LDB2: variants seen among roughly 807,000 people sequenced by gnomAD.
The protein encoded by LDB2 is LIM domain-binding protein 2.
Under a neutral mutation model 44.3 loss-of-function variants are expected in LDB2, and 12 were observed. That is an observed-to-expected ratio of 0.27 (90% CI 0.17 to 0.44). LDB2 has a LOEUF of 0.44. LDB2 is among the 20% of genes least tolerant of loss of function. The pLI, the probability that LDB2 is intolerant of heterozygous loss-of-function variation, is 1.00. For missense variants in LDB2, 344 were observed against 473.5 expected (o/e 0.73, Z 2.54); for synonymous variants, 164 against 174.8 (o/e 0.94, Z 0.49).
intron 2 of LDB2, among the ~76,000 whole-genome samples, chr4:16,686,430 C>T (rs1749263554): frequency 6.6e-6 from 1 of 152,170 alleles, no homozygotes; most frequent in South Asian, 2.1e-4. Context: ...GCAACTTGCC[C>T]AAAGACAAAA....
chr4:16,640,304 A>G (rs937014407), intron 2 of LDB2, among the ~76,000 whole-genome samples: 1 of 152,246 alleles, frequency 6.6e-6, no homozygotes, highest in African/African-American at 2.4e-5. Context: ...GGTGGGTAAT[A>G]GAGAACTGTA....
chr4:16,688,818 T>C lies in LDB2; in HGVS notation c.235+70340A>G, dbSNP rs569957954. ...AATCTCTAGCTTCTATTCTTGCTCC[T>C]AGCAGTCCTTCATCTCTCCTAATAT... On this transcript the variant is annotated intron_variant, in intron 2 of 7. Coordinates refer to ENST00000304523, the MANE Select transcript of LDB2 (RefSeq NM_001290.5). Among the ~76,000 whole-genome samples the C allele has an allele frequency of 3.3e-5, 5 of 152,386 alleles. No individual in the cohort carries two copies. The East Asian group carries it at 9.6e-4, about 29-fold the overall frequency.
intron 2 of LDB2, among the ~76,000 whole-genome samples, chr4:16,636,585 T>A (rs1191699223): frequency 6.6e-6 from 1 of 152,194 alleles, no homozygotes; most frequent in East Asian, 1.9e-4. Flanking sequence ...CTTATATTTA[T>A]GTATTTTGTT....
At chr4:16,892,305 A>T (rs1158700138) in intron 1 of LDB2, among the ~76,000 whole-genome samples, 1 of 141,408 alleles carries the variant, frequency 7.1e-6, no homozygotes, top group Non-Finnish European at 1.6e-5. Context: ...AGGCCCTGAG[A>T]CTGTCATTGC....
chr4:16,895,618 AAG>A (rs1438311678), intron 1 of LDB2, among the ~76,000 whole-genome samples: 13 of 152,044 alleles, frequency 8.6e-5, no homozygotes, highest in Non-Finnish European at 1.9e-4. Context: ...GTGGGACCAG[AAG>A]AGAGAGAGGA....
intron 1 of LDB2, among the ~76,000 whole-genome samples, chr4:16,824,052 G>A (rs1249623153): frequency 6.6e-6 from 1 of 152,246 alleles, no homozygotes; most frequent in Non-Finnish European, 1.5e-5. Context: ...AAATTCCACA[G>A]AGGCAGGCAA....
At chr4:16,844,146 A>G (rs988835608) in intron 1 of LDB2, among the ~76,000 whole-genome samples, 5 of 147,004 alleles carry the variant, frequency 3.4e-5, no homozygotes, top group South Asian at 2.2e-4. Flanking sequence ...AGTCTCAGCT[A>G]CTTGGGAGTC....
chr4:16,728,734 C>T (rs545679657), intron 2 of LDB2, among the ~76,000 whole-genome samples: 1 of 152,276 alleles, frequency 6.6e-6, no homozygotes, highest in African/African-American at 2.4e-5. Context: ...TTTCTGAGGG[C>T]AGGATCATAT....
intron 1 of LDB2, among the ~76,000 whole-genome samples, chr4:16,765,500 C>T (rs1470458155): frequency 6.6e-6 from 1 of 152,242 alleles, no homozygotes. Flanking sequence ...ATCATGGAAT[C>T]ATCACCTTGT....
intron 2 of LDB2, among the ~76,000 whole-genome samples, chr4:16,629,668 G>A (rs763276014): frequency 6.6e-6 from 1 of 152,070 alleles, no homozygotes; most frequent in African/African-American, 2.4e-5. Flanking sequence ...CTAATCCACT[G>A]CAAGGGAGCT....
At chr4:16,766,464 ATATATGTG>A (rs1769252106) in intron 1 of LDB2, among the ~76,000 whole-genome samples, 1 of 14,772 alleles carries the variant, frequency 6.8e-5, no homozygotes. Flanking sequence ...ATACACACAC[ATATATGTG>A]TGTGTGTGTG....
intron 2 of LDB2, among the ~76,000 whole-genome samples, chr4:16,725,327 G>A (rs2152688747): frequency 6.6e-6 from 1 of 152,050 alleles, no homozygotes; most frequent in South Asian, 2.1e-4. Context: ...GATTGAATAT[G>A]CCAATAGACA....
At chr4:16,823,372 A>G (rs1308901836) in intron 1 of LDB2, among the ~76,000 whole-genome samples, 1 of 152,204 alleles carries the variant, frequency 6.6e-6, no homozygotes, top group Non-Finnish European at 1.5e-5. Context: ...CTTGCTCAAC[A>G]TCTTCTTACC....
chr4:16,667,527 C>T (rs191970217), intron 2 of LDB2, among the ~76,000 whole-genome samples: 29 of 152,252 alleles, frequency 1.9e-4, no homozygotes, highest in African/African-American at 6.5e-4. Context: ...TTGTTTCCAC[C>T]CACTGCAAAA....
intron 1 of LDB2, among the ~76,000 whole-genome samples, chr4:16,886,681 C>A (rs1230292845): frequency 6.6e-6 from 1 of 152,010 alleles, no homozygotes; most frequent in East Asian, 1.9e-4. Flanking sequence ...ATCATAAATT[C>A]AAAAGCAATG....
At chr4:16,507,853 C>T (rs1194713481) in intron 7 of LDB2, among the ~76,000 whole-genome samples, 2 of 152,094 alleles carry the variant, frequency 1.3e-5, no homozygotes, top group Non-Finnish European at 2.9e-5. Context: ...GAAGAAAGTT[C>T]CTGTGCAGTT....
At chr4:16,802,560 G>A (rs1274173903) in intron 1 of LDB2, among the ~76,000 whole-genome samples, 2 of 152,032 alleles carry the variant, frequency 1.3e-5, no homozygotes, top group Non-Finnish European at 2.9e-5. Flanking sequence ...GACACAAAAG[G>A]GATTAAAAGA....
At chr4:16,779,895 C>G (rs1772786922) in intron 1 of LDB2, among the ~76,000 whole-genome samples, 1 of 152,144 alleles carries the variant, frequency 6.6e-6, no homozygotes, top group Admixed American at 6.5e-5. Flanking sequence ...TTTTCATTTT[C>G]TTCTCCAAAA....
At position 16,800,052 on chromosome 4, in the gene LDB2, A is replaced by AG. The variant is rs542148042; in HGVS notation, c.133-40793dup. On this transcript the variant is annotated intron_variant, in intron 1 of 7. Transcript: ENST00000304523. ...TGAGTAGATAAAAAGGAAAAGACTG[A>AG]GGTCCGGGACGGGAAAGCTCAAACG... Among the ~76,000 whole-genome samples the AG allele has an allele frequency of 4.1e-4, 62 of 152,176 alleles. 1 individual carries two copies. The highest frequency in any genetic ancestry group is 1.6e-4 in the Non-Finnish European group (11 of 68,036).
Sources: allele counts gnomAD v4.1 joint callset (sites outside exome capture counted in the v4.1 genomes callset), GRCh38; gene constraint gnomAD v4.1.1; transcripts MANE v1.5; gene names NCBI Gene and HGNC (gene_info 2026-07-23, HGNC 2026-07-21).